The following SORCS2 variants were observed in gnomAD, a reference collection of about 807,000 sequenced individuals.
The protein encoded by SORCS2 is sortilin related VPS10 domain containing receptor 2.
SORCS2 carries 100 observed loss-of-function variants against 141.6 expected under a neutral mutation model. The ratio of observed to expected loss-of-function variants is 0.71; its 90% confidence interval spans 0.60 to 0.83. The LOEUF (loss-of-function observed/expected upper bound fraction) is 0.83, where lower values mean the gene tolerates loss of function less well. Among genes scored for constraint, SORCS2 ranks in the 40% least tolerant of loss-of-function variants. The pLI is 0.00. For synonymous variants in SORCS2, 789 were observed against 676.9 expected (o/e 1.17, Z -2.57); for missense variants, 1,646 against 1,560.2 (o/e 1.05, Z -0.93).
At chr4:7,657,428 G>C (rs1369161279) in intron 5 of SORCS2, among the ~76,000 whole-genome samples, 1 of 151,962 alleles carries the variant, frequency 6.6e-6, no homozygotes, top group Non-Finnish European at 1.5e-5. Flanking sequence ...GAATGAACGA[G>C]TGAATGACTG....
In SORCS2 at chr4:7,733,471, C is replaced by A. The variant is rs936657433; in HGVS notation, c.3208+50C>A. The A allele has an allele frequency of 3.4e-6, 5 of 1,449,712 alleles. No homozygotes were observed. The African/African-American group carries it at 4.2e-5, about 12-fold the overall frequency. The allele number at this position is 1,449,712 out of a possible 1,614,324, so 89.8% of individuals were successfully genotyped here. ...GGAATGGGTGGAGGAGGCATCCGGG[C>A]CCTGGAGAAGCCATGTCCCTGCAGG... On this transcript the variant is annotated intron_variant, in intron 24 of 26. Transcript: ENST00000507866.
chr4:7,202,878 G>A (rs1354385587), intron 1 of SORCS2, among the ~76,000 whole-genome samples: 1 of 151,926 alleles, frequency 6.6e-6, no homozygotes, highest in Admixed American at 6.6e-5. Context: ...TATTTACATG[G>A]AACTGCTGAT....
chr4:7,659,126 AG>A (rs921821473), intron 5 of SORCS2, among the ~76,000 whole-genome samples: 22 of 152,166 alleles, frequency 1.4e-4, no homozygotes, highest in African/African-American at 5.3e-4. Flanking sequence ...GCTTTGCAGA[AG>A]GCTAAAGCAG....
intron 3 of SORCS2, among the ~76,000 whole-genome samples, chr4:7,621,141 G>T (rs542823210): frequency 1.3e-5 from 2 of 152,166 alleles, no homozygotes; most frequent in Admixed American, 1.3e-4. Context: ...TGTCCATCCT[G>T]GGCAGTGTGA....
At chr4:7,408,154 A>G (rs1183553376) in intron 2 of SORCS2, among the ~76,000 whole-genome samples, 2 of 152,008 alleles carry the variant, frequency 1.3e-5, no homozygotes, top group African/African-American at 4.8e-5. Context: ...CCATGTCCCT[A>G]ATTTTACCAA....
Position 7,303,772 on chromosome 4 carries a change from C to G in SORCS2, c.481-92516C>G, listed in dbSNP as rs59581458. On this transcript the variant is annotated intron_variant, in intron 1 of 26. Coordinates refer to ENST00000507866, the MANE Select transcript of SORCS2 (RefSeq NM_020777.3). ...GGGTGAAGGAAAACACCTTCTAAGG[C>G]CAAGTCAGAGCGCAGGACGCAGACC... is the stretch of plus-strand genomic sequence containing the variant. Among the ~76,000 whole-genome samples, 594 of 152,380 alleles carry G rather than the reference C, an allele frequency of 3.9e-3. 7 individuals are homozygous for G. Among genetic ancestry groups the G allele is most frequent in the African/African-American group, 0.014 (562 of 41,592 alleles).
At chr4:7,330,035 A>G (rs916628537) in intron 1 of SORCS2, among the ~76,000 whole-genome samples, 2 of 151,816 alleles carry the variant, frequency 1.3e-5, no homozygotes, top group African/African-American at 4.8e-5. Flanking sequence ...CTCTAGGGGA[A>G]AATCTGGTCC....
At chr4:7,370,851 T>G (rs2046789122) in intron 1 of SORCS2, among the ~76,000 whole-genome samples, 1 of 152,206 alleles carries the variant, frequency 6.6e-6, no homozygotes. Context: ...GCTTTTGCTT[T>G]GCTCTCTTAT....
intron 26 of SORCS2, among the ~76,000 whole-genome samples, chr4:7,738,637 C>T (rs1712396755): frequency 1.3e-5 from 2 of 152,212 alleles, no homozygotes; most frequent in Non-Finnish European, 2.9e-5. Flanking sequence ...GCTGCTGCCA[C>T]TGCCGTTCTG....
intron 3 of SORCS2, among the ~76,000 whole-genome samples, chr4:7,543,665 CATCCAT>C (rs1712917861): frequency 6.8e-6 from 1 of 147,276 alleles, no homozygotes; most frequent in Non-Finnish European, 1.5e-5. Flanking sequence ...TCCACCCACC[CATCCAT>C]CCATCCACCC....
intron 9 of SORCS2, among the ~76,000 whole-genome samples, chr4:7,679,822 C>T (rs1257919382): frequency 6.7e-6 from 1 of 149,988 alleles, no homozygotes; most frequent in East Asian, 2.0e-4. Flanking sequence ...TATGCAGAGA[C>T]ACACTGATAT....
Position 7,734,288 on chromosome 4 carries a change from C to T in SORCS2, c.3225C>T (p.Gly1075=), listed in dbSNP as rs565593372. Residue 1075 remains glycine, a synonymous_variant, in exon 25 of 27, where the codon GGC becomes GGT. Transcript: ENST00000507866. ...RDTGTGAEQL[G]GGGGYWAVVV... is the part of the protein sequence containing the mutation. ...TGCTTGCAGGTGCTGAGCAGCTGGG[C>T]GGCGGTGGCGGCTACTGGGCGGTAG... The T allele has an allele frequency of 4.9e-5, 79 of 1,600,894 alleles. 1 individual carries two copies. The highest frequency in any genetic ancestry group is 4.0e-4 in the South Asian group (35 of 87,982).
intron 5 of SORCS2, among the ~76,000 whole-genome samples, chr4:7,657,217 C>T (rs1014111588): frequency 6.6e-6 from 1 of 152,190 alleles, no homozygotes; most frequent in African/African-American, 2.4e-5. Flanking sequence ...ACTAAAGGAA[C>T]AAACGTGGTA....
chr4:7,690,948 C>T (rs1043628628), intron 11 of SORCS2, among the ~76,000 whole-genome samples: 8 of 152,182 alleles, frequency 5.3e-5, no homozygotes. Flanking sequence ...TTTAGAAGAA[C>T]CATTCAAAAT....
intron 4 of SORCS2, among the ~76,000 whole-genome samples, chr4:7,640,443 AGTGT>A (rs201159360): frequency 7.8e-6 from 1 of 128,040 alleles, no homozygotes; most frequent in East Asian, 2.5e-4. Context: ...AGTCTACATG[AGTGT>A]GTGGGTGTGT....
At chr4:7,571,427 G>C (rs74691150) in intron 3 of SORCS2, among the ~76,000 whole-genome samples, 1,717 of 152,304 alleles carry the variant, frequency 0.011, 39 homozygotes, top group African/African-American at 0.038. Context: ...ACGGGAAATT[G>C]AGTTCACTCC....
intron 9 of SORCS2, among the ~76,000 whole-genome samples, chr4:7,682,519 C>G (rs1039467469): frequency 1.3e-5 from 2 of 152,168 alleles, no homozygotes; most frequent in African/African-American, 2.4e-5. Flanking sequence ...GGCTTCAGAG[C>G]TAGACAGAAC....
chr4:7,718,051 G>A lies in SORCS2; in HGVS notation c.2292G>A (p.Val764=), dbSNP rs1420234156. 6.2e-7 allele frequency: 1 copy of A among 1,608,944 alleles called. No homozygotes were observed. The part of the protein sequence containing the change: ...KVVSNVCEGG[V]DMQQSQVQLQ... Reference sequence around the variant, plus strand: ...TGTCCAACGTGTGTGAGGGTGGGGTGGACATGCAGCAGAGTCAGGTGCAGC... The same window carrying A: ...TGTCCAACGTGTGTGAGGGTGGGGTAGACATGCAGCAGAGTCAGGTGCAGC... Residue 764 remains valine (V), a synonymous_variant, in exon 18 of 27, where the codon GTG becomes GTA. Transcript: ENST00000507866.
At chr4:7,661,339 G>GCTCACTCAAGGAAAACGCA (rs1722150818) in intron 5 of SORCS2, among the ~76,000 whole-genome samples, 161 bp from the exon 6 acceptor site, 2 of 151,992 alleles carry the variant, frequency 1.3e-5, no homozygotes, top group African/African-American at 2.4e-5. Context: ...AAGCACCTCA[G>GCTCACTCAAGGAAAACGCA]GAGCAGGTGG....
Sources: gnomAD v4.1 joint callset for allele counts (sites outside exome capture counted in the v4.1 genomes callset) on GRCh38, gnomAD v4.1.1 for gene constraint, MANE v1.5 for transcripts, NCBI Gene and HGNC (gene_info 2026-07-23, HGNC 2026-07-21) for gene names.